The following CYP39A1 variants were observed in gnomAD, a reference collection of about 807,000 sequenced individuals.
CYP39A1 encodes 24-hydroxycholesterol 7-alpha-hydroxylase.
In CYP39A1, 49 loss-of-function variants were observed where a neutral mutation model predicts 58.1. The ratio of observed to expected loss-of-function variants is 0.84; its 90% CI spans 0.67 to 1.07. The LOEUF is 1.07. CYP39A1 is among the 50% of genes least tolerant of loss of function. The pLI, the probability that CYP39A1 is intolerant of heterozygous loss-of-function variation, is 0.00. For missense variants in CYP39A1, 531 were observed against 539.4 expected, an observed-to-expected ratio of 0.98 and a Z score of 0.16; for synonymous variants, 209 against 187.6, an observed-to-expected ratio of 1.11 and a Z score of -0.93.
intron 7 of CYP39A1, among the ~76,000 whole-genome samples, chr6:46,616,827 A>C (rs1360697500): frequency 6.6e-6 from 1 of 152,098 alleles, no homozygotes; most frequent in Non-Finnish European, 1.5e-5. Flanking sequence ...AGGCCATTTG[A>C]AGGCTTTAGA....
At position 46,642,438 on chromosome 6, in the gene CYP39A1, T is replaced by C. The variant is rs187480769; in HGVS notation, c.178-140A>G. ...TATATTTGGCAATTAGTTATAAATT[T>C]TGATTGTTTCAGCCAGATCTGAATT... On this transcript the variant is annotated intron_variant, in intron 1 of 11. Transcript: ENST00000275016. 9.7e-5 allele frequency: 77 copies of C among 796,364 alleles called. No homozygotes were observed. In the Admixed American group the frequency reaches 1.9e-3, roughly 20 times the overall value. 49.3% of individuals were successfully genotyped at this position (796,364 alleles called of 1,614,324 possible).
At chr6:46,628,522 T>C (rs1300984689) in intron 6 of CYP39A1, among the ~76,000 whole-genome samples, 2 of 152,208 alleles carry the variant, frequency 1.3e-5, no homozygotes, top group African/African-American at 2.4e-5. Flanking sequence ...GGTTTTCCCA[T>C]AAAAATAATT....
At chr6:46,606,343 T>C (rs1375009439) in intron 7 of CYP39A1, among the ~76,000 whole-genome samples, 1 of 152,268 alleles carries the variant, frequency 6.6e-6, no homozygotes, top group East Asian at 1.9e-4. Context: ...TCTTGGACCA[T>C]ACAAAGAAAA....
chr6:46,556,398 A>G (rs1004048795), intron 10 of CYP39A1, among the ~76,000 whole-genome samples: 8 of 152,216 alleles, frequency 5.3e-5, no homozygotes, highest in Admixed American at 5.2e-4. Flanking sequence ...GTTTCACAGA[A>G]AGAGAGCGCA....
intron 1 of CYP39A1, among the ~76,000 whole-genome samples, chr6:46,649,912 A>G (rs1219312569): frequency 6.6e-6 from 1 of 152,214 alleles, no homozygotes; most frequent in Non-Finnish European, 1.5e-5. Flanking sequence ...GAGCATGAGA[A>G]GCTGAGAGTG....
rs1770308308 is a variant in CYP39A1, at chr6:46,550,064, T to C, written c.*302A>G. 2 of 242,600 alleles carry C rather than the reference T, an allele frequency of 8.2e-6. No individual in the cohort carries two copies. Among genetic ancestry groups the C allele is most frequent in the Non-Finnish European group, 1.6e-5 (2 of 128,134 alleles). 15.0% of individuals were successfully genotyped at this position (242,600 alleles called of 1,614,324 possible). A position where few individuals can be genotyped will look rare whatever the true frequency, so the allele number is the denominator to read the frequency against. On this transcript the variant is annotated 3_prime_UTR_variant, in exon 12 of 12. Transcript: ENST00000275016. ...TTCAAATGACATTATTTCTATTTAA[T>C]GTTTTAATACAGTTATGCATGAAAT...
At chr6:46,595,288 C>G (rs1773081781) in intron 8 of CYP39A1, among the ~76,000 whole-genome samples, 1 of 151,860 alleles carries the variant, frequency 6.6e-6, no homozygotes. Flanking sequence ...ACTATATGAT[C>G]TAGCAATCCC....
At chr6:46,651,963 A>T (rs1465448685) in intron 1 of CYP39A1, among the ~76,000 whole-genome samples, 1 of 152,232 alleles carries the variant, frequency 6.6e-6, no homozygotes, top group African/African-American at 2.4e-5. Flanking sequence ...TCAGCTAAAA[A>T]TACAGAGCCT....
chr6:46,590,932 C>T (rs1378556481), intron 8 of CYP39A1, among the ~76,000 whole-genome samples: 1 of 152,078 alleles, frequency 6.6e-6, no homozygotes, highest in East Asian at 1.9e-4. Context: ...TAATCATTCC[C>T]TACTTTTTTT....
intron 7 of CYP39A1, among the ~76,000 whole-genome samples, chr6:46,596,403 G>A (rs550275728): frequency 2.6e-5 from 4 of 152,148 alleles, no homozygotes; most frequent in East Asian, 1.9e-4. Context: ...CTATCAAATA[G>A]CTAAGACAGT....
At chr6:46,639,825 C>T (rs940546552) in intron 2 of CYP39A1, among the ~76,000 whole-genome samples, 157 bp from the exon 3 acceptor site, 1 of 152,160 alleles carries the variant, frequency 6.6e-6, no homozygotes, top group Non-Finnish European at 1.5e-5. Flanking sequence ...AAGATTCAAC[C>T]TATTCTCGAC....
At position 46,652,471 on chromosome 6, in the gene CYP39A1, A is replaced by C. The variant is rs200207484; in HGVS notation, c.112T>G (p.Trp38Gly). 6.2e-7 allele frequency: 1 copy of C among 1,613,944 alleles called. No individual in the cohort carries two copies. Among genetic ancestry groups the C allele is most frequent in the Non-Finnish European group, 8.5e-7 (1 of 1,179,962 alleles). The part of the protein sequence containing the change: ...RPPCIKGWIP[W>G]IGVGFEFGKA... Reference sequence around the variant, plus strand: ...CCAAACTCAAATCCAACTCCAATCCAAGGAATCCAGCCCTTGATGCACGGG... The same window carrying C: ...CCAAACTCAAATCCAACTCCAATCCCAGGAATCCAGCCCTTGATGCACGGG... Residue 38 changes from tryptophan (W) to glycine (G), a missense_variant, in exon 1 of 12, where the codon TGG becomes GGG. Coordinates refer to ENST00000275016, the MANE Select transcript of CYP39A1 (RefSeq NM_016593.5).
intron 6 of CYP39A1, 143 bp from the exon 7 acceptor site, chr6:46,625,651 G>A (rs1775270470): frequency 4.3e-6 from 2 of 466,690 alleles, no homozygotes; most frequent in East Asian, 6.6e-5. Flanking sequence ...AGCATATTTT[G>A]AAAACAACTA....
chr6:46,601,124 G>C lies in CYP39A1; in HGVS notation c.932-5004C>G, dbSNP rs1013458104. 3.9e-5 allele frequency among the ~76,000 whole-genome samples: 6 copies of C among 152,196 alleles called. No homozygotes were observed. The South Asian group carries it at 8.3e-4, about 21-fold the overall frequency. ...TTGGTGTGGAAAACCCACACATTTG[G>C]TGTCAGAAGTGTTGTGTGTAGAGAA... On this transcript the variant is annotated intron_variant, in intron 7 of 11. Coordinates refer to ENST00000275016, the MANE Select transcript of CYP39A1 (RefSeq NM_016593.5).
intron 2 of CYP39A1, among the ~76,000 whole-genome samples, chr6:46,639,875 G>A (rs1776224349): frequency 2.6e-5 from 4 of 152,164 alleles, no homozygotes; most frequent in African/African-American, 9.7e-5. Context: ...AGAACTTTGG[G>A]AGAACAAGGC....
intron 5 of CYP39A1, among the ~76,000 whole-genome samples, chr6:46,635,824 A>G (rs1031204573): frequency 7.2e-5 from 11 of 152,146 alleles, no homozygotes; most frequent in Admixed American, 3.9e-4. Flanking sequence ...CGGCCCCCCA[A>G]AGTGCTGGGA....
At chr6:46,623,398 C>T (rs1034790312) in intron 7 of CYP39A1, among the ~76,000 whole-genome samples, 1 of 151,884 alleles carries the variant, frequency 6.6e-6, no homozygotes, top group African/African-American at 2.4e-5. Context: ...GTTAACTTGA[C>T]TGGCCATGGG....
chr6:46,552,872 C>A (rs756278567), intron 11 of CYP39A1, among the ~76,000 whole-genome samples: 1 of 151,896 alleles, frequency 6.6e-6, no homozygotes, highest in Non-Finnish European at 1.5e-5. Flanking sequence ...CATGGCAAAA[C>A]AACATCTCTA....
chr6:46,571,543 C>G (rs1771582896), intron 10 of CYP39A1, among the ~76,000 whole-genome samples: 1 of 151,986 alleles, frequency 6.6e-6, no homozygotes, highest in Non-Finnish European at 1.5e-5. Context: ...GCTAACTCTG[C>G]TGTCTTTTGG....
Sources: gnomAD v4.1 joint callset for allele counts (sites outside exome capture counted in the v4.1 genomes callset) on GRCh38, gnomAD v4.1.1 for gene constraint, MANE v1.5 for transcripts, NCBI Gene and HGNC (gene_info 2026-07-23, HGNC 2026-07-21) for gene names.